MYCBP2: variants seen among roughly 807,000 people sequenced by gnomAD.
MYCBP2 encodes the protein E3 ubiquitin-protein ligase MYCBP2.
Under a neutral mutation model 525.3 loss-of-function variants are expected in MYCBP2, and 120 were observed. The observed-to-expected ratio is 0.23, with a 90% CI of 0.20 to 0.27. The LOEUF is 0.27. Ranked by LOEUF, MYCBP2 falls within the 10% of genes least tolerant of loss-of-function variation. The pLI, the probability that MYCBP2 is intolerant of heterozygous loss-of-function variation, is 1.00. For synonymous variants in MYCBP2, 1,894 were observed against 1,955.8 expected (o/e 0.97, Z 0.83); for missense variants, 4,149 against 5,657.1 (o/e 0.73, Z 8.55).
At chr13:77,142,416 A>G (rs1246428960) in intron 49 of MYCBP2, among the ~76,000 whole-genome samples, 2 of 152,242 alleles carry the variant, frequency 1.3e-5, no homozygotes, top group African/African-American at 2.4e-5. Flanking sequence ...CTAGAATGGT[A>G]CAGATGAACT....
chr13:77,309,846 G>A (rs1439094609), intron 1 of MYCBP2, among the ~76,000 whole-genome samples: 2 of 152,172 alleles, frequency 1.3e-5, no homozygotes, highest in East Asian at 1.9e-4. Flanking sequence ...GGGCGCAGTG[G>A]CTCACGCCTG....
At position 77,068,550 on chromosome 13, in the gene MYCBP2, A is replaced by G. The variant is rs776751150; in HGVS notation, c.12171+15T>C. ...GTAACAAAAGCAATGGAAAGGCTGT[A>G]GTGTGATCAGTCACCTGTCTCTGGA... On this transcript the variant is annotated intron_variant, in intron 70 of 82. Coordinates refer to ENST00000544440, the MANE Select transcript of MYCBP2 (RefSeq NM_015057.5). The G allele has an allele frequency of 2.4e-5, 39 of 1,613,204 alleles. No homozygotes were observed. Among genetic ancestry groups the G allele is most frequent in the Non-Finnish European group, 3.1e-5 (36 of 1,179,384 alleles).
chr13:77,089,860 T>C (rs1011002089), intron 60 of MYCBP2, among the ~76,000 whole-genome samples: 2 of 151,996 alleles, frequency 1.3e-5, no homozygotes, highest in African/African-American at 2.4e-5. Flanking sequence ...ACAAGTAAGA[T>C]TGTAAAGGTC....
intron 30 of MYCBP2, among the ~76,000 whole-genome samples, chr13:77,187,116 T>C (rs2060803727): frequency 6.6e-6 from 1 of 152,128 alleles, no homozygotes; most frequent in South Asian, 2.1e-4. Context: ...AGCCCTATAG[T>C]TTACCTTTTA....
At chr13:77,287,192 C>CT (rs71102733) in intron 3 of MYCBP2, among the ~76,000 whole-genome samples, 22,996 of 124,964 alleles carry the variant, frequency 0.18, 2,104 homozygotes, top group South Asian at 0.39. Context: ...CAGCCAGTTT[C>CT]TTTTTTTTTT....
chr13:77,294,739 C>T (rs766390364), intron 2 of MYCBP2, among the ~76,000 whole-genome samples: 10 of 152,194 alleles, frequency 6.6e-5, no homozygotes, highest in Admixed American at 2.6e-4. Flanking sequence ...CAATGCGCTC[C>T]ACTTCCCTCC....
intron 13 of MYCBP2, among the ~76,000 whole-genome samples, chr13:77,258,912 A>G (rs1172548986): frequency 6.6e-6 from 1 of 152,188 alleles, no homozygotes; most frequent in Admixed American, 6.5e-5. Context: ...AATGTTTAGT[A>G]AACTGTTACC....
chr13:77,251,008 C>T (rs184694356), intron 15 of MYCBP2, 143 bp downstream of exon 15: 1 of 553,264 alleles, frequency 1.8e-6, no homozygotes, highest in Admixed American at 3.4e-5. Context: ...AATTATAATA[C>T]TTTCTTGGCC....
At position 77,166,428 on chromosome 13, in the gene MYCBP2, G is replaced by A. The variant is rs373272431; in HGVS notation, c.6241C>T (p.Pro2081Ser). The stretch of plus-strand genomic sequence containing the variant: ...TTTTCATGAACAGATGTCAATTTTG[G>A]TCCATATCCTGAATTCTGAACAGTT... ...VRTVQNSGYG[P>S]KLTSVHENLN... is the part of the protein sequence containing the mutation. Residue 2081 changes from proline (P) to serine (S), a missense_variant, in exon 41 of 83, where the codon CCA becomes TCA. Physicochemically the swap from Pro to Ser is moderately conservative, Grantham distance 74. Transcript: ENST00000544440. The A allele has an allele frequency of 1.2e-6, 2 of 1,613,828 alleles. No individual in the cohort carries two copies. Among genetic ancestry groups the A allele is most frequent in the South Asian group, 2.2e-5 (2 of 91,058 alleles).
intron 43 of MYCBP2, among the ~76,000 whole-genome samples, chr13:77,163,905 T>C (rs2058235353): frequency 6.6e-6 from 1 of 152,220 alleles, no homozygotes; most frequent in Non-Finnish European, 1.5e-5. Flanking sequence ...TGACTGTTCC[T>C]TCACAGTCTC....
intron 3 of MYCBP2, among the ~76,000 whole-genome samples, chr13:77,287,908 A>T (rs2077055827): frequency 6.6e-6 from 1 of 152,110 alleles, no homozygotes; most frequent in African/African-American, 2.4e-5. Flanking sequence ...TGCCCCTATA[A>T]CAGACTCCAA....
intron 8 of MYCBP2, among the ~76,000 whole-genome samples, chr13:77,265,034 G>A (rs773787091): frequency 6.6e-5 from 10 of 152,024 alleles, no homozygotes; most frequent in Middle Eastern, 3.2e-3. Context: ...GAGCCCACCC[G>A]AATAAGCTGG....
intron 52 of MYCBP2, among the ~76,000 whole-genome samples, chr13:77,132,743 C>T (rs2053110088): frequency 6.6e-6 from 1 of 152,150 alleles, no homozygotes; most frequent in Admixed American, 6.6e-5. Context: ...CCATTAACAT[C>T]TCCTATCATA....
At chr13:77,205,428 T>C (rs759153646) in intron 25 of MYCBP2, 45 bp from the exon 26 acceptor site, 16 of 1,612,328 alleles carry the variant, frequency 9.9e-6, no homozygotes, top group South Asian at 2.2e-5. Context: ...GATCCATATA[T>C]ATTTCAGTTG....
intron 52 of MYCBP2, among the ~76,000 whole-genome samples, chr13:77,130,532 T>C (rs1039150549): frequency 1.3e-5 from 2 of 152,030 alleles, no homozygotes; most frequent in Non-Finnish European, 2.9e-5. Context: ...TCTAATAATA[T>C]GCCTACAAAT....
chr13:77,233,052 C>A lies in MYCBP2; in HGVS notation c.2737+104G>T. ...TCCTCAGGCTACATCATGATAGAAGCAAAGTAGAAGAATCAGGTTTGTGCA... is the reference window on the plus strand; with the variant it reads ...TCCTCAGGCTACATCATGATAGAAGAAAAGTAGAAGAATCAGGTTTGTGCA... On this transcript the variant is annotated intron_variant, in intron 18 of 82. Transcript: ENST00000544440. 3 of 946,038 alleles carry A rather than the reference C, an allele frequency of 3.2e-6. No individual in the cohort carries two copies. In the South Asian group the frequency reaches 4.6e-5, roughly 15 times the overall value. 58.6% of individuals were successfully genotyped at this position (946,038 alleles called of 1,614,324 possible).
At chr13:77,209,519 C>T (rs903160523) in intron 23 of MYCBP2, among the ~76,000 whole-genome samples, 12 of 152,200 alleles carry the variant, frequency 7.9e-5, no homozygotes, top group African/African-American at 2.2e-4. Context: ...GACTTCTAAT[C>T]GGTAAGTAAC....
chr13:77,146,328 T>C (rs1374883613), intron 47 of MYCBP2, 111 bp from the exon 48 acceptor site: 3 of 573,256 alleles, frequency 5.2e-6, no homozygotes, highest in South Asian at 6.0e-5. Context: ...GTTATACATA[T>C]AGGAGAAAAA....
intron 70 of MYCBP2, 90 bp from the exon 71 acceptor site, chr13:77,067,954 G>A (rs1470461487): frequency 3.0e-6 from 4 of 1,324,866 alleles, no homozygotes; most frequent in East Asian, 2.5e-5. Context: ...TAAAGACAGG[G>A]TCTTGCTTTG....
Sources: allele counts gnomAD v4.1 joint callset (sites outside exome capture counted in the v4.1 genomes callset), GRCh38; gene constraint gnomAD v4.1.1; transcripts MANE v1.5; gene names NCBI Gene and HGNC (gene_info 2026-07-23, HGNC 2026-07-21).